The following PLPP4 variants were observed in gnomAD, a reference collection of about 807,000 sequenced individuals.
The protein encoded by PLPP4 is phospholipid phosphatase 4.
PLPP4 carries 20 observed loss-of-function variants against 32.2 expected under a neutral mutation model. The ratio of observed to expected loss-of-function variants is 0.62; its 90% CI spans 0.44 to 0.90. The LOEUF (loss-of-function observed/expected upper bound fraction) is 0.90. PLPP4 is among the 40% of genes least tolerant of loss of function. PLPP4 has a pLI of 0.00. For synonymous variants in PLPP4, 127 were observed against 133.0 expected, an observed-to-expected ratio of 0.95 and a Z score of 0.31; for missense variants, 257 against 353.1, an observed-to-expected ratio of 0.73 and a Z score of 2.18.
chr10:120,539,641 A>G (rs899433283), intron 5 of PLPP4, among the ~76,000 whole-genome samples: 2 of 137,592 alleles, frequency 1.5e-5, no homozygotes, highest in African/African-American at 5.4e-5. Context: ...GCCTTTTATT[A>G]TTTATTTTTA....
At chr10:120,509,214 T>A (rs889603214) in intron 2 of PLPP4, among the ~76,000 whole-genome samples, 2 of 152,262 alleles carry the variant, frequency 1.3e-5, no homozygotes, top group Non-Finnish European at 2.9e-5. Context: ...ATTGAAATCC[T>A]GCCAATAATA....
At chr10:120,505,598 C>T (rs1845456691) in intron 2 of PLPP4, among the ~76,000 whole-genome samples, 1 of 152,146 alleles carries the variant, frequency 6.6e-6, no homozygotes, top group East Asian at 1.9e-4. Context: ...TTTTTGCAAA[C>T]TCTTGGAAAT....
intron 1 of PLPP4, among the ~76,000 whole-genome samples, chr10:120,486,976 T>C (rs1157318161): frequency 6.6e-6 from 1 of 152,242 alleles, no homozygotes; most frequent in Non-Finnish European, 1.5e-5. Flanking sequence ...TGCTGCCTTC[T>C]CCTTCACTGT....
intron 1 of PLPP4, among the ~76,000 whole-genome samples, chr10:120,469,744 A>G (rs1848436591): frequency 6.6e-6 from 1 of 152,222 alleles, no homozygotes; most frequent in Admixed American, 6.5e-5. Context: ...ACATTTGTAT[A>G]TAATTAACAA....
intron 5 of PLPP4, among the ~76,000 whole-genome samples, chr10:120,534,164 C>G (rs925541298): frequency 6.6e-5 from 10 of 152,072 alleles, no homozygotes; most frequent in African/African-American, 1.4e-4. Context: ...AATGAATTCT[C>G]TCACTTTTAG....
chr10:120,506,063 A>G (rs562106945), intron 2 of PLPP4, among the ~76,000 whole-genome samples: 1 of 152,256 alleles, frequency 6.6e-6, no homozygotes, highest in African/African-American at 2.4e-5. Flanking sequence ...CGTAAATACG[A>G]TGGAGCAATT....
At chr10:120,575,035 G>A (rs1849148148) in intron 5 of PLPP4, 96 bp from the exon 6 acceptor site, 2 of 1,321,360 alleles carry the variant, frequency 1.5e-6, no homozygotes, top group Middle Eastern at 1.9e-4. Context: ...CCTTGGCCTT[G>A]GGGGTGTGCA....
At chr10:120,463,015 C>G (rs117691898) in intron 1 of PLPP4, among the ~76,000 whole-genome samples, 5,555 of 121,800 alleles carry the variant, frequency 0.046, 139 homozygotes, top group Middle Eastern at 0.13. Context: ...AAACAAGTTT[C>G]TTTCTTTTTT....
At position 120,531,896 on chromosome 10, in the gene PLPP4, A is replaced by ACATG. The variant is rs60830534; in HGVS notation, c.445+10801_445+10802insCATG. 2.4e-5 allele frequency among the ~76,000 whole-genome samples: 3 copies of ACATG among 124,274 alleles called. No homozygotes were observed. The East Asian group carries it at 7.2e-4, about 30-fold the overall frequency. The allele number at this position is 124,274 out of a possible 152,430, so 81.5% of individuals were successfully genotyped here. On this transcript the variant is annotated intron_variant, in intron 5 of 6. Transcript: ENST00000398250. Reference sequence around the variant, plus strand: ...ACTACACACACACACACACACACACATATATATATATATACACACATACAT... The same window carrying ACATG: ...ACTACACACACACACACACACACACACATGTATATATATATATACACACATACAT...
At chr10:120,538,019 T>TCG (rs1847120795) in intron 5 of PLPP4, among the ~76,000 whole-genome samples, 4 of 55,146 alleles carry the variant, frequency 7.3e-5, no homozygotes, top group East Asian at 4.5e-4. Context: ...TCTCTCTCTC[T>TCG]CTCTCTCTCT....
At chr10:120,476,399 A>G (rs1472692600) in intron 1 of PLPP4, among the ~76,000 whole-genome samples, 1 of 152,188 alleles carries the variant, frequency 6.6e-6, no homozygotes. Flanking sequence ...CACCACCATG[A>G]TGTAGATGCT....
At chr10:120,559,733 G>T (rs1848332179) in intron 5 of PLPP4, among the ~76,000 whole-genome samples, 1 of 152,036 alleles carries the variant, frequency 6.6e-6, no homozygotes, top group South Asian at 2.1e-4. Flanking sequence ...AAAAAGCTAT[G>T]TCATGAATGC....
chr10:120,556,577 G>C (rs890865981), intron 5 of PLPP4, among the ~76,000 whole-genome samples: 1 of 152,180 alleles, frequency 6.6e-6, no homozygotes, highest in Middle Eastern at 3.2e-3. Flanking sequence ...TAAACTAAGC[G>C]TAGAGGCTTT....
At chr10:120,493,720 C>T (rs1202367857) in intron 1 of PLPP4, among the ~76,000 whole-genome samples, 1 of 152,136 alleles carries the variant, frequency 6.6e-6, no homozygotes, top group Admixed American at 6.5e-5. Flanking sequence ...TTCATTGTCT[C>T]TTATACACGT....
At chr10:120,586,260 G>A (rs1289834808) in intron 6 of PLPP4, among the ~76,000 whole-genome samples, 1 of 150,672 alleles carries the variant, frequency 6.6e-6, no homozygotes, top group East Asian at 1.9e-4. Context: ...TCAGCCTCCA[G>A]AGTAGCTGAG....
intron 5 of PLPP4, among the ~76,000 whole-genome samples, chr10:120,560,655 T>A (rs1848390887): frequency 6.6e-6 from 1 of 152,152 alleles, no homozygotes; most frequent in Non-Finnish European, 1.5e-5. Flanking sequence ...CTCAGGAGGC[T>A]GAGGCAGGAG....
At chr10:120,504,412 G>T (rs1265698948) in intron 2 of PLPP4, among the ~76,000 whole-genome samples, 2 of 152,218 alleles carry the variant, frequency 1.3e-5, no homozygotes, top group Non-Finnish European at 2.9e-5. Flanking sequence ...CAAAGGAAAA[G>T]AGGAAGTTGC....
At chr10:120,482,299 G>A (rs1035533852) in intron 1 of PLPP4, among the ~76,000 whole-genome samples, 1 of 152,202 alleles carries the variant, frequency 6.6e-6, no homozygotes, top group African/African-American at 2.4e-5. Context: ...TGACCAAAAT[G>A]CTGATAATGA....
chr10:120,520,433 A>C (rs1467414808), intron 4 of PLPP4, among the ~76,000 whole-genome samples: 2 of 152,240 alleles, frequency 1.3e-5, no homozygotes, highest in Non-Finnish European at 2.9e-5. Flanking sequence ...GTGGTAGATT[A>C]ATAGGATTAC....
Sources: allele counts gnomAD v4.1 joint callset (sites outside exome capture counted in the v4.1 genomes callset), GRCh38; gene constraint gnomAD v4.1.1; transcripts MANE v1.5; gene names NCBI Gene and HGNC (gene_info 2026-07-23, HGNC 2026-07-21).